SEC24B: variants seen among roughly 807,000 people sequenced by gnomAD.
SEC24B encodes the protein protein transport protein Sec24B.
In SEC24B, 45 loss-of-function variants were observed where a neutral mutation model predicts 142.8. The ratio of observed to expected loss-of-function variants is 0.32; its 90% CI spans 0.25 to 0.40. The LOEUF is 0.40. SEC24B is among the 10% of genes least tolerant of loss of function. The probability of loss-of-function intolerance (pLI) is 1.00; values close to 1 mark genes in which losing one functional copy is unlikely to be tolerated. For missense variants in SEC24B, 1,409 were observed against 1,526.8 expected (o/e 0.92, Z 1.29); for synonymous variants, 574 against 568.2 (o/e 1.01, Z -0.15).
At chr4:109,480,583 C>T (rs904472736) in intron 3 of SEC24B, among the ~76,000 whole-genome samples, 29 of 152,122 alleles carry the variant, frequency 1.9e-4, no homozygotes, top group African/African-American at 6.5e-4. Context: ...CCAGCAGAGG[C>T]GATTCTCCTG....
At chr4:109,505,380 TTGG>T (rs1736573384) in intron 6 of SEC24B, among the ~76,000 whole-genome samples, 2 of 152,022 alleles carry the variant, frequency 1.3e-5, no homozygotes, top group Admixed American at 1.3e-4. Flanking sequence ...TGACATAATA[TTGG>T]TGGTGTTATA....
chr4:109,517,052 A>G (rs976280679), intron 11 of SEC24B, among the ~76,000 whole-genome samples: 1 of 152,194 alleles, frequency 6.6e-6, no homozygotes, highest in African/African-American at 2.4e-5. Flanking sequence ...ATTATAGAAA[A>G]CAGTATAAAG....
intron 15 of SEC24B, among the ~76,000 whole-genome samples, 164 bp from the exon 16 acceptor site, chr4:109,525,182 T>C (rs1578984802): frequency 6.6e-6 from 1 of 152,078 alleles, no homozygotes; most frequent in Non-Finnish European, 1.5e-5. Flanking sequence ...CTTTATCATA[T>C]ATTTTATAGA....
intron 19 of SEC24B, among the ~76,000 whole-genome samples, 166 bp from the exon 20 acceptor site, chr4:109,531,219 C>T (rs9997563): frequency 0.12 from 17,641 of 152,176 alleles, 3,403 homozygotes; most frequent in African/African-American, 0.4. Context: ...AGCTAGGTAA[C>T]TTGCTCCAGC....
intron 3 of SEC24B, among the ~76,000 whole-genome samples, chr4:109,476,043 G>A (rs1443935477): frequency 6.7e-6 from 1 of 148,852 alleles, no homozygotes; most frequent in Non-Finnish European, 1.5e-5. Context: ...CTGGAGTGCA[G>A]TGGCATGATC....
chr4:109,494,655 C>T lies in SEC24B; in HGVS notation c.1287C>T (p.Pro429=), dbSNP rs752883342. The change falls in exon 6 of 24, where the codon CCC becomes CCT. Residue 429 remains proline (P), a synonymous_variant. Transcript: ENST00000265175. The stretch of plus-strand genomic sequence containing the variant: ...CAGCAAGCAGTCCTGCTCCTGATCC[C>T]GCCCCTGAACCTGATCCTGCTTCTG... ...SSSASSPAPD[P]APEPDPASAP... is the part of the protein sequence containing the mutation. 9.9e-6 allele frequency: 16 copies of T among 1,613,888 alleles called. No individual in the cohort carries two copies. Among genetic ancestry groups the T allele is most frequent in the Middle Eastern group, 1.6e-4 (1 of 6,084 alleles).
chr4:109,438,716 TG>T (rs1447383387), intron 1 of SEC24B, among the ~76,000 whole-genome samples: 22 of 152,222 alleles, frequency 1.4e-4, no homozygotes, highest in African/African-American at 5.1e-4. Flanking sequence ...GTTTTCTAGG[TG>T]TAACTGCTAG....
At chr4:109,434,073 C>A in intron 1 of SEC24B, 71 bp downstream of exon 1, 1 of 969,138 alleles carries the variant, frequency 1.0e-6, no homozygotes, top group Non-Finnish European at 1.2e-6. Context: ...CACATCGGGG[C>A]GGGGCGGGCC....
intron 10 of SEC24B, among the ~76,000 whole-genome samples, chr4:109,514,165 T>C (rs958196901): frequency 5.9e-5 from 9 of 152,194 alleles, no homozygotes; most frequent in African/African-American, 1.7e-4. Context: ...ATTTAACATT[T>C]AAGACTCTCA....
chr4:109,479,305 G>A (rs17040486), intron 3 of SEC24B, among the ~76,000 whole-genome samples: 18,030 of 136,178 alleles, frequency 0.13, 3,551 homozygotes, highest in African/African-American at 0.48. Context: ...TTCTCCATTC[G>A]GTGGTGGTGG....
rs773446594 is a variant in SEC24B, at chr4:109,521,086, T to C, written c.2246-31T>C. 2.1e-5 allele frequency: 28 copies of C among 1,330,474 alleles called. No individual in the cohort carries two copies. In the South Asian group the frequency reaches 3.2e-4, roughly 15 times the overall value. The allele number at this position is 1,330,474 out of a possible 1,614,324, so 82.4% of individuals were successfully genotyped here. On this transcript the variant is annotated intron_variant, in intron 12 of 23. Coordinates refer to ENST00000265175, the MANE Select transcript of SEC24B (RefSeq NM_006323.5). ...TTTCTAATGTATTCTTTTGTTCGAT[T>C]TGTTGATTAAAATATGTGTTTTCCC...
In SEC24B at chr4:109,524,864, C is replaced by G. The variant is rs1429281952; in HGVS notation, c.2555C>G (p.Ala852Gly). ...GPATDFYKKL[A>G]LDCSGQQTAV... ...GCAACTGATTTTTATAAGAAACTTG[C>G]ATTAGATTGCTCGGGACAGCAAACT... Residue 852 changes from alanine to glycine, a missense_variant, in exon 15 of 24, where the codon GCA becomes GGA. By Grantham distance (60) the Ala-to-Gly change is moderately conservative. This residue lies in a region of SEC24B where 700 missense variants were observed against 853.3 expected (regional missense o/e 0.82). Coordinates refer to ENST00000265175, the MANE Select transcript of SEC24B (RefSeq NM_006323.5). The G allele has an allele frequency of 6.2e-7, 1 of 1,612,272 alleles. No homozygotes were observed. Among genetic ancestry groups the G allele is most frequent in the Admixed American group, 1.7e-5 (1 of 59,816 alleles).
chr4:109,456,168 C>T (rs1730645862), intron 1 of SEC24B, among the ~76,000 whole-genome samples: 1 of 151,588 alleles, frequency 6.6e-6, no homozygotes, highest in African/African-American at 2.4e-5. Context: ...ATCTTAATTC[C>T]CCTTGTTTAC....
chr4:109,445,050 A>G (rs1163431406), intron 1 of SEC24B, among the ~76,000 whole-genome samples: 2 of 152,106 alleles, frequency 1.3e-5, no homozygotes, highest in African/African-American at 4.8e-5. Context: ...CAGCCTCTTG[A>G]GTAGCTGGGA....
chr4:109,539,747 G>C lies in SEC24B; in HGVS notation c.*72G>C. On this transcript the variant is annotated 3_prime_UTR_variant, in exon 24 of 24. Coordinates refer to ENST00000265175, the MANE Select transcript of SEC24B (RefSeq NM_006323.5). ...CATAATCTGTCAGAGAAGCGCGTGA[G>C]AAATTTGAAATGAAGGCATTTGTTA... 1 of 968,234 alleles carries C rather than the reference G, an allele frequency of 1.0e-6. No individual in the cohort carries two copies. The highest frequency in any genetic ancestry group is 1.6e-6 in the Non-Finnish European group (1 of 622,800). The allele number at this position is 968,234 out of a possible 1,614,324, so 60.0% of individuals were successfully genotyped here.
chr4:109,446,579 A>G (rs1286676986), intron 1 of SEC24B, among the ~76,000 whole-genome samples: 1 of 152,242 alleles, frequency 6.6e-6, no homozygotes, highest in Non-Finnish European at 1.5e-5. Context: ...AAATAGTGGC[A>G]GTATCAAAAC....
rs1482408379 is a variant in SEC24B at position 109,463,344 on chromosome 4, T to G, written c.577T>G (p.Tyr193Asp). ...YAMSTVSNAA[Y>D]PSVSYPSLPA... is the part of the protein sequence containing the mutation. Reference sequence around the variant, plus strand: ...TATGTCAACTGTTTCTAATGCCGCGTATCCTAGTGTTTCATATCCCTCTCT... The same window carrying G: ...TATGTCAACTGTTTCTAATGCCGCGGATCCTAGTGTTTCATATCCCTCTCT... Residue 193 changes from tyrosine to aspartate, a missense_variant, in exon 2 of 24, where the codon TAT (tyrosine) becomes GAT (aspartate). Tyr to Asp is a radical substitution (Grantham distance 160, BLOSUM62 -3). Around this residue, in one of 2 missense-constraint regions of SEC24B, gnomAD observed 709 missense variants for 673.5 expected, o/e 1.05. Coordinates refer to ENST00000265175, the MANE Select transcript of SEC24B (RefSeq NM_006323.5). 6.2e-7 allele frequency: 1 copy of G among 1,614,120 alleles called. No individual in the cohort carries two copies. The highest frequency in any genetic ancestry group is 1.3e-5 in the African/African-American group (1 of 74,936).
At chr4:109,489,086 T>C (rs1204186908) in intron 4 of SEC24B, among the ~76,000 whole-genome samples, 1 of 152,158 alleles carries the variant, frequency 6.6e-6, no homozygotes, top group Non-Finnish European at 1.5e-5. Flanking sequence ...CGGTAACCTT[T>C]AGAGCACAAA....
chr4:109,515,615 C>T (rs936248978), intron 10 of SEC24B, among the ~76,000 whole-genome samples: 1 of 152,118 alleles, frequency 6.6e-6, no homozygotes, highest in Non-Finnish European at 1.5e-5. Context: ...AGGCATGAGC[C>T]ACTGCACCTG....
Sources: gnomAD v4.1 joint callset for allele counts (sites outside exome capture counted in the v4.1 genomes callset) on GRCh38, gnomAD v4.1.1 for gene constraint, gnomAD v4.1.1 regional missense constraint, MANE v1.5 for transcripts, NCBI Gene and HGNC (gene_info 2026-07-23, HGNC 2026-07-21) for gene names.